Variants in SND1 observed in about 807,000 individuals in gnomAD.
SND1 encodes staphylococcal nuclease domain-containing protein 1.
In SND1, 38 loss-of-function variants were observed where a neutral mutation model predicts 121.7. The observed-to-expected ratio is 0.31, with a 90% CI of 0.24 to 0.41. SND1 has a LOEUF of 0.41. Ranked by LOEUF, SND1 falls within the 10% of genes least tolerant of loss-of-function variation. SND1 has a pLI of 1.00. For synonymous variants in SND1, 401 were observed against 447.4 expected, an observed-to-expected ratio of 0.90 and a Z score of 1.31; for missense variants, 868 against 1,184.6, an observed-to-expected ratio of 0.73 and a Z score of 3.92.
intron 13 of SND1, among the ~76,000 whole-genome samples, chr7:127,902,946 A>G (rs1049746016): frequency 6.6e-6 from 1 of 151,832 alleles, no homozygotes; most frequent in East Asian, 1.9e-4. Flanking sequence ...CAGTTGCGCA[A>G]TCTTGGCTCA....
intron 10 of SND1, among the ~76,000 whole-genome samples, chr7:127,784,977 G>A (rs1479435559): frequency 6.6e-6 from 1 of 152,124 alleles, no homozygotes; most frequent in Non-Finnish European, 1.5e-5. Flanking sequence ...GGAGTGCAGT[G>A]GCACAATCAC....
rs766354849 is a variant in SND1 at position 127,807,578 on chromosome 7, G to A, written c.1242+5G>A. 4 of 1,608,812 alleles carry A rather than the reference G, an allele frequency of 2.5e-6. No homozygotes were observed. The highest frequency in any genetic ancestry group is 3.4e-6 in the Non-Finnish European group (4 of 1,175,292). ...AAAAAGCTTATTGGGAAGAAGGTAA[G>A]TAATTGATGACAGAAGCATATTTGC... On this transcript the variant is annotated splice_donor_5th_base_variant and intron_variant, in intron 11 of 23. Coordinates refer to ENST00000354725, the MANE Select transcript of SND1 (RefSeq NM_014390.4).
intron 15 of SND1, among the ~76,000 whole-genome samples, chr7:127,943,720 G>A (rs1410774203): frequency 6.6e-6 from 1 of 152,174 alleles, no homozygotes; most frequent in Non-Finnish European, 1.5e-5. Context: ...GCAATCAGAT[G>A]AAGGTGCATT....
chr7:127,943,452 G>A (rs1283433144), intron 15 of SND1, among the ~76,000 whole-genome samples: 1 of 152,196 alleles, frequency 6.6e-6, no homozygotes, highest in Non-Finnish European at 1.5e-5. Flanking sequence ...TCCTACGAAC[G>A]TGGTCCATTT....
At position 127,660,933 on chromosome 7, in the gene SND1, A is replaced by G. The variant is rs963717122; in HGVS notation, c.78+8482A>G. On this transcript the variant is annotated intron_variant, in intron 1 of 23. Coordinates refer to ENST00000354725, the MANE Select transcript of SND1 (RefSeq NM_014390.4). ...CTCTGGGACTGGCCTGGAAAGGTCT[A>G]TTTTCAAAAAAAAGCCACTCCTAGG... 6.6e-4 allele frequency among the ~76,000 whole-genome samples: 101 copies of G among 152,026 alleles called. 1 individual carries two copies. Among genetic ancestry groups the G allele is most frequent in the African/African-American group, 2.4e-3 (98 of 41,394 alleles).
chr7:127,810,845 A>G (rs1798323916), intron 11 of SND1, among the ~76,000 whole-genome samples: 1 of 152,244 alleles, frequency 6.6e-6, no homozygotes, highest in African/African-American at 2.4e-5. Flanking sequence ...AGTCATTTCT[A>G]TAGCTCTTGT....
intron 10 of SND1, among the ~76,000 whole-genome samples, chr7:127,773,563 A>AT (rs1797557044): frequency 6.6e-6 from 1 of 151,974 alleles, no homozygotes; most frequent in Admixed American, 6.6e-5. Context: ...AAAGGAAACT[A>AT]TTTTTTGCAT....
rs1005641981 is a variant in SND1 at position 128,085,224 on chromosome 7, C to T, written c.2234+377C>T. Among the ~76,000 whole-genome samples the T allele has an allele frequency of 3.9e-5, 6 of 152,156 alleles. No homozygotes were observed. Among genetic ancestry groups the T allele is most frequent in the Admixed American group, 3.9e-4 (6 of 15,284 alleles). ...CTACAGTAAGCCTAAACCAGCTGCC[C>T]GACCCTCTTCCCCGGCTGTCTAGGA... On this transcript the variant is annotated intron_variant, in intron 19 of 23. Coordinates refer to ENST00000354725, the MANE Select transcript of SND1 (RefSeq NM_014390.4). The surrounding 1 kb of genome is among the most constrained non-coding windows in gnomAD (Gnocchi z 4.4).
intron 12 of SND1, among the ~76,000 whole-genome samples, chr7:127,863,615 C>A (rs1799417659): frequency 6.6e-6 from 1 of 152,120 alleles, no homozygotes; most frequent in Admixed American, 6.5e-5. Flanking sequence ...TTTTTTTACA[C>A]AGATACAGTA....
Position 128,063,438 on chromosome 7 carries a change from T to C in SND1, c.1780-11064T>C, listed in dbSNP as rs2117036865. Among the ~76,000 whole-genome samples the C allele has an allele frequency of 1.3e-5, 2 of 152,302 alleles. 1 individual carries two copies. The highest frequency in any genetic ancestry group is 4.1e-4 in the South Asian group (2 of 4,826). On this transcript the variant is annotated intron_variant, in intron 16 of 23. Coordinates refer to ENST00000354725, the MANE Select transcript of SND1 (RefSeq NM_014390.4). ...CCTCTGGGTCCCACAAGCATGCTTG[T>C]CGTGGCAGGGGCAGCTGAGGGATGG...
intron 10 of SND1, among the ~76,000 whole-genome samples, chr7:127,763,955 C>CAG (rs1797356903): frequency 1.4e-5 from 2 of 148,050 alleles, no homozygotes; most frequent in African/African-American, 5.0e-5. Flanking sequence ...GCAGTCCCAG[C>CAG]TACTTTGGAG....
At chr7:127,720,318 A>G (rs1188766749) in intron 9 of SND1, among the ~76,000 whole-genome samples, 1 of 152,176 alleles carries the variant, frequency 6.6e-6, no homozygotes, top group African/African-American at 2.4e-5. Context: ...GAAGCCTAGA[A>G]GAGTTCGATT....
At chr7:127,916,295 C>G (rs915983347) in intron 14 of SND1, among the ~76,000 whole-genome samples, 3 of 151,886 alleles carry the variant, frequency 2.0e-5, no homozygotes, top group Admixed American at 6.6e-5. Context: ...GGATTGGGGT[C>G]AAGGAAGGGA....
At chr7:128,025,694 G>A (rs1389415978) in intron 16 of SND1, among the ~76,000 whole-genome samples, 1 of 152,162 alleles carries the variant, frequency 6.6e-6, no homozygotes, top group Non-Finnish European at 1.5e-5. Context: ...GCAAAGGAAG[G>A]TTACTGCTGT....
chr7:127,942,243 A>C lies in SND1; in HGVS notation c.1669+12914A>C, dbSNP rs528130954. ...AAAAAAGGAAATAGTGTATGCCTTC[A>C]AGGGTCTTATTTTTGACAAGCATTT... On this transcript the variant is annotated intron_variant, in intron 15 of 23. Coordinates refer to ENST00000354725, the MANE Select transcript of SND1 (RefSeq NM_014390.4). 2.0e-5 allele frequency among the ~76,000 whole-genome samples: 3 copies of C among 152,324 alleles called. No individual in the cohort carries two copies. In the South Asian group the frequency reaches 6.2e-4, roughly 32 times the overall value.
intron 12 of SND1, among the ~76,000 whole-genome samples, chr7:127,846,731 TTC>T (rs1399453319): frequency 2.0e-5 from 3 of 152,316 alleles, no homozygotes; most frequent in Non-Finnish European, 4.4e-5. Context: ...GATAATTTTA[TTC>T]TGTTTTTTAT....
intron 16 of SND1, chr7:127,997,876 G>C (rs768304578): frequency 1.9e-6 from 1 of 534,742 alleles, no homozygotes; most frequent in South Asian, 1.4e-5. Flanking sequence ...TGTTCTGGAA[G>C]GTGCACCACC....
rs535973544 is a variant in SND1 at position 127,942,777 on chromosome 7, C to T, written c.1669+13448C>T. Among the ~76,000 whole-genome samples the T allele has an allele frequency of 5.3e-5, 8 of 152,294 alleles. No individual in the cohort carries two copies. The South Asian group carries it at 1.7e-3, about 32-fold the overall frequency. On this transcript the variant is annotated intron_variant, in intron 15 of 23. Coordinates refer to ENST00000354725, the MANE Select transcript of SND1 (RefSeq NM_014390.4). ...CTATTTTTATTTCCCCACTTTCTCC[C>T]TAAAGGTTTTCTCTGATATAATCTT...
At chr7:127,687,655 A>C (rs712710) in intron 2 of SND1, among the ~76,000 whole-genome samples, 143,682 of 152,198 alleles carry the variant, frequency 0.94, 68,258 homozygotes, top group Non-Finnish European at 1. Flanking sequence ...TGATTTCAGT[A>C]TTTTTTTATG....
Sources: allele counts gnomAD v4.1 joint callset (sites outside exome capture counted in the v4.1 genomes callset), GRCh38; gene constraint gnomAD v4.1.1; non-coding constraint Gnocchi (gnomAD v3.1); transcripts MANE v1.5; gene names NCBI Gene and HGNC (gene_info 2026-07-23, HGNC 2026-07-21).